SLC4A1AP: variants seen among roughly 807,000 people sequenced by gnomAD.
SLC4A1AP encodes the protein solute carrier family 4 member 1 adaptor protein.
Under a neutral mutation model 89.7 loss-of-function variants are expected in SLC4A1AP, and 64 were observed. That is an observed-to-expected ratio of 0.71 (90% CI 0.58 to 0.88). The LOEUF (loss-of-function observed/expected upper bound fraction) is 0.88, where lower values mean the gene tolerates loss of function less well. Ranked by LOEUF, SLC4A1AP falls within the 40% of genes least tolerant of loss-of-function variation. SLC4A1AP has a pLI of 0.00. For synonymous variants in SLC4A1AP, 366 were observed against 353.3 expected, an observed-to-expected ratio of 1.04 and a Z score of -0.40; for missense variants, 931 against 965.0, an observed-to-expected ratio of 0.96 and a Z score of 0.47.
chr2:27,683,596 A>C (rs990392517), intron 9 of SLC4A1AP, among the ~76,000 whole-genome samples: 7 of 152,056 alleles, frequency 4.6e-5, no homozygotes, highest in Non-Finnish European at 1.0e-4. Context: ...GTTTAATTTA[A>C]TTTACAGTCA....
intron 8 of SLC4A1AP, among the ~76,000 whole-genome samples, chr2:27,681,522 A>T (rs1675619326): frequency 6.6e-6 from 1 of 152,060 alleles, no homozygotes; most frequent in South Asian, 2.1e-4. Context: ...TAGTATGCTT[A>T]TTCTGGGGTT....
At chr2:27,693,466 G>C (rs560676190) in intron 12 of SLC4A1AP, 2 of 491,294 alleles carry the variant, frequency 4.1e-6, no homozygotes, top group East Asian at 6.6e-5. Context: ...ATTTCTTGTA[G>C]GTCTGGTCTG....
chr2:27,670,922 CTTTTTTTTTT>C (rs34481114), intron 5 of SLC4A1AP, among the ~76,000 whole-genome samples: 3 of 111,850 alleles, frequency 2.7e-5, no homozygotes, highest in East Asian at 2.7e-4. Flanking sequence ...CTTTTCTTTT[CTTTTTTTTTT>C]TTTTTTTTTG....
intron 2 of SLC4A1AP, among the ~76,000 whole-genome samples, chr2:27,666,884 T>G (rs75817867): frequency 7.6e-5 from 9 of 118,088 alleles, no homozygotes; most frequent in South Asian, 2.8e-4. Flanking sequence ...TTTTTTTTTT[T>G]GGGAGACGGT....
intron 3 of SLC4A1AP, 25 bp from the exon 4 acceptor site, chr2:27,668,818 T>G (rs753648032): frequency 1.2e-6 from 2 of 1,607,736 alleles, no homozygotes; most frequent in African/African-American, 2.7e-5. Flanking sequence ...CTATTAAAAT[T>G]GTTTTGTCTG....
intron 10 of SLC4A1AP, 37 bp downstream of exon 10, chr2:27,685,314 G>A: frequency 6.4e-7 from 1 of 1,571,010 alleles, no homozygotes; most frequent in Non-Finnish European, 8.6e-7. Context: ...TTGTTCAGTG[G>A]GCAGTTACAT....
intron 12 of SLC4A1AP, 85 bp downstream of exon 12, chr2:27,688,852 T>A: frequency 9.9e-7 from 1 of 1,014,046 alleles, no homozygotes; most frequent in Non-Finnish European, 1.5e-6. Context: ...GAGACTGACT[T>A]AACAGAGTTC....
chr2:27,679,034 A>G (rs1013717397), intron 8 of SLC4A1AP, among the ~76,000 whole-genome samples: 6 of 152,070 alleles, frequency 3.9e-5, no homozygotes, highest in African/African-American at 1.4e-4. Context: ...GCATTTTTAT[A>G]TATGAATTTG....
Position 27,682,649 on chromosome 2 carries a change from C to T in SLC4A1AP, c.1875+290C>T, listed in dbSNP as rs138340127. ...AAGCAATTCTCCTGCCTCAGCCTCT[C>T]GAGTAGCTGGGACTACAGGCGTGCT... On this transcript the variant is annotated intron_variant, in intron 9 of 13. Coordinates refer to ENST00000613058, the Ensembl canonical transcript of SLC4A1AP. 1.3e-3 allele frequency among the ~76,000 whole-genome samples: 197 copies of T among 151,680 alleles called. 2 individuals carry two copies. The highest frequency in any genetic ancestry group is 4.5e-3 in the African/African-American group (188 of 41,338).
At chr2:27,665,157 T>C (rs747697604) in exon 2 of SLC4A1AP, 2 of 1,613,584 alleles carry the variant, frequency 1.2e-6, no homozygotes, top group African/African-American at 2.7e-5. Flanking sequence ...GTTGAAGGAA[T>C]TGCGCAAGCA....
rs755134869 is a variant in SLC4A1AP, at chr2:27,675,744, TAAC to T, written c.1506+54_1506+56del. 1.4e-4 allele frequency: 171 copies of T among 1,187,258 alleles called. No homozygotes were observed. The Middle Eastern group carries it at 2.6e-3, about 18-fold the overall frequency. The allele number at this position is 1,187,258 out of a possible 1,614,324, so 73.5% of individuals were successfully genotyped here. ...TGGTATTTAATAGTTTAATTTTTAA[TAAC>T]ATAATGTATTATTTAAATATGTTTT... On this transcript the variant is annotated intron_variant, in intron 6 of 13. Coordinates refer to ENST00000613058, the Ensembl canonical transcript of SLC4A1AP.
exon 1 of SLC4A1AP, chr2:27,663,943 C>A (rs751774304): frequency 1.2e-6 from 2 of 1,614,192 alleles, no homozygotes; most frequent in East Asian, 2.2e-5. Flanking sequence ...CAGTCAGAGA[C>A]CCTGGCGTCG....
intron 7 of SLC4A1AP, 108 bp from the exon 8 acceptor site, chr2:27,677,630 T>C: frequency 1.2e-6 from 1 of 869,130 alleles, no homozygotes; most frequent in South Asian, 1.8e-5. Flanking sequence ...TTACTAGTGA[T>C]GTCCTCTGTC....
At chr2:27,688,061 G>A (rs1558510299) in intron 11 of SLC4A1AP, 41 bp downstream of exon 11, 2 of 1,537,380 alleles carry the variant, frequency 1.3e-6, no homozygotes, top group Non-Finnish European at 1.8e-6. Flanking sequence ...CTGCACACAG[G>A]TGGCTGACTG....
intron 8 of SLC4A1AP, among the ~76,000 whole-genome samples, chr2:27,678,416 C>A (rs1266302711): frequency 2.6e-5 from 4 of 151,978 alleles, no homozygotes; most frequent in African/African-American, 9.7e-5. Context: ...ACCTGTGGTC[C>A]CAGCTACTTG....
rs887148424 is a variant in SLC4A1AP at position 27,669,233 on chromosome 2, A to G, written c.1206-15A>G. ...AGCTTAATGCTGTGCTATAATTCCC[A>G]CCAAATCAATGAAGATTACCTGTGG... On this transcript the variant is annotated splice_polypyrimidine_tract_variant and intron_variant, in intron 4 of 13. Coordinates refer to ENST00000613058, the Ensembl canonical transcript of SLC4A1AP. 2 of 1,598,176 alleles carry G rather than the reference A, an allele frequency of 1.3e-6. No individual in the cohort carries two copies. The highest frequency in any genetic ancestry group is 1.7e-6 in the Non-Finnish European group (2 of 1,175,582).
chr2:27,680,273 CT>C (rs148798638), intron 8 of SLC4A1AP, among the ~76,000 whole-genome samples: 2,565 of 152,160 alleles, frequency 0.017, 80 homozygotes, highest in African/African-American at 0.058. Context: ...GGGAGGGAGA[CT>C]TTTCACAGTA....
At chr2:27,674,579 TA>T (rs1558507017) in intron 5 of SLC4A1AP, among the ~76,000 whole-genome samples, 1 of 150,262 alleles carries the variant, frequency 6.7e-6, no homozygotes, top group African/African-American at 2.5e-5. Context: ...ATTTGTACTT[TA>T]TTTTTTTTTA....
At chr2:27,680,777 T>A (rs1675606242) in intron 8 of SLC4A1AP, among the ~76,000 whole-genome samples, 2 of 132,944 alleles carry the variant, frequency 1.5e-5, no homozygotes, top group Admixed American at 1.5e-4. Flanking sequence ...AACAAATCTC[T>A]GCTTTGGAAA....
Sources: gnomAD v4.1 joint callset for allele counts (sites outside exome capture counted in the v4.1 genomes callset) on GRCh38, gnomAD v4.1.1 for gene constraint, MANE v1.5 for transcripts, NCBI Gene and HGNC (gene_info 2026-07-23, HGNC 2026-07-21) for gene names.